GFRA3: variants seen among roughly 807,000 people sequenced by gnomAD.
The protein encoded by GFRA3 is GDNF family receptor alpha 3.
In GFRA3, 24 loss-of-function variants were observed where a neutral mutation model predicts 40.0. The ratio of observed to expected loss-of-function variants is 0.60; its 90% confidence interval spans 0.43 to 0.84. The LOEUF (loss-of-function observed/expected upper bound fraction) is 0.84, where lower values mean the gene tolerates loss of function less well. Ranked by LOEUF, GFRA3 falls within the 40% of genes least tolerant of loss-of-function variation. GFRA3 has a pLI of 0.00. For synonymous variants in GFRA3, 203 were observed against 213.5 expected (o/e 0.95, Z 0.43); for missense variants, 405 against 530.6 (o/e 0.76, Z 2.33).
In GFRA3 at chr5:138,252,878, TC is replaced by T; in HGVS notation, c.*89del. ...TGTGCCCTCATCTGCGCACTGCACC[TC>T]CTTCCTGCTGCTGTCCTTTCCTCAC... On this transcript the variant is annotated 3_prime_UTR_variant, in exon 8 of 8. Transcript: ENST00000274721. 1 of 732,904 alleles carries T rather than the reference TC, an allele frequency of 1.4e-6. No individual in the cohort carries two copies. The highest frequency in any genetic ancestry group is 2.4e-6 in the Non-Finnish European group (1 of 408,864). 45.4% of individuals were successfully genotyped at this position (732,904 alleles called of 1,614,324 possible).
chr5:138,264,790 G>C (rs1755759019), intron 1 of GFRA3, among the ~76,000 whole-genome samples: 1 of 152,128 alleles, frequency 6.6e-6, no homozygotes, highest in Non-Finnish European at 1.5e-5. Flanking sequence ...TTTGCAGAGA[G>C]GCTGCTCAGC....
intron 1 of GFRA3, 46 bp from the exon 2 acceptor site, chr5:138,264,594 T>C (rs1268274069): frequency 1.5e-6 from 2 of 1,291,044 alleles, no homozygotes; most frequent in East Asian, 4.7e-5. Flanking sequence ...TTAGAATAGC[T>C]GTCTGGGAAT....
At chr5:138,273,145 C>T (rs1221045596) in intron 1 of GFRA3, among the ~76,000 whole-genome samples, 1 of 152,286 alleles carries the variant, frequency 6.6e-6, no homozygotes, top group African/African-American at 2.4e-5. Context: ...CCCCATGAAT[C>T]GGAGGTCTCC....
chr5:138,264,030 G>A (rs753653779), intron 2 of GFRA3, among the ~76,000 whole-genome samples: 59 of 152,136 alleles, frequency 3.9e-4, no homozygotes, highest in Admixed American at 7.2e-4. Flanking sequence ...TGCTAAGTGG[G>A]AACTGACATG....
intron 1 of GFRA3, among the ~76,000 whole-genome samples, chr5:138,266,776 G>A (rs1462123402): frequency 6.6e-6 from 1 of 151,688 alleles, no homozygotes; most frequent in Admixed American, 6.6e-5. Context: ...CTGCCTCCTG[G>A]GCTCAAGCGA....
intron 4 of GFRA3, 144 bp downstream of exon 4, chr5:138,257,495 A>G (rs1017123748): frequency 6.2e-5 from 38 of 614,632 alleles, no homozygotes; most frequent in African/African-American, 2.0e-5. Flanking sequence ...ACTTTCACAA[A>G]ATATCCAAGG....
chr5:138,271,913 T>TTTTTTTTTTTTTTTGTGTG (rs59830655), intron 1 of GFRA3, among the ~76,000 whole-genome samples: 1 of 54,332 alleles, frequency 1.8e-5, no homozygotes. Flanking sequence ...TTTTTTTTTT[T>TTTTTTTTTTTTTTTGTGTG]TGTGTGTGTG....
At chr5:138,255,918 A>G (rs978985170) in intron 4 of GFRA3, among the ~76,000 whole-genome samples, 2 of 148,416 alleles carry the variant, frequency 1.3e-5, no homozygotes, top group Admixed American at 6.8e-5. Context: ...AAAAAAAAGA[A>G]GAAGAAGAAG....
intron 4 of GFRA3, among the ~76,000 whole-genome samples, chr5:138,256,134 G>A (rs557604829): frequency 5.9e-5 from 9 of 151,622 alleles, no homozygotes; most frequent in African/African-American, 2.2e-4. Context: ...GGGAGGCTGA[G>A]GGGGGAGTAT....
At chr5:138,270,786 C>G (rs1198131534) in intron 1 of GFRA3, among the ~76,000 whole-genome samples, 1 of 149,754 alleles carries the variant, frequency 6.7e-6, no homozygotes, top group East Asian at 1.9e-4. Flanking sequence ...TTTACATGTA[C>G]AAGATGAAAA....
In GFRA3 at chr5:138,254,123, T is replaced by A. The variant is rs776114581; in HGVS notation, c.823A>T (p.Met275Leu). The change falls in exon 5 of 8, where the codon ATG becomes TTG. Residue 275 changes from methionine (M) to leucine (L), a missense_variant. Met to Leu is a conservative substitution (Grantham distance 15, BLOSUM62 2). Coordinates refer to ENST00000274721, the MANE Select transcript of GFRA3 (RefSeq NM_001496.4). ...GTTGCACAAGTTCCTAGGATGTCCA[T>A]GGGATGGCAGTGGGTCTGGAAATCC... The part of the protein sequence containing the change: ...LVDFQTHCHP[M>L]DILGTCATEQ... The A allele has an allele frequency of 1.4e-5, 22 of 1,611,506 alleles. No individual in the cohort carries two copies. The highest frequency in any genetic ancestry group is 8.5e-7 in the Non-Finnish European group (1 of 1,178,016).
chr5:138,254,212 G>A (rs1755595071), intron 4 of GFRA3, 52 bp from the exon 5 acceptor site: 1 of 1,004,062 alleles, frequency 1.0e-6, no homozygotes, highest in Non-Finnish European at 1.6e-6. Context: ...TTGAGATGAT[G>A]TCTCACTCTC....
At chr5:138,253,114 C>G in intron 7 of GFRA3, 57 bp from the exon 8 acceptor site, 1 of 988,100 alleles carries the variant, frequency 1.0e-6, no homozygotes, top group Non-Finnish European at 1.6e-6. Context: ...CCTTTCACTA[C>G]CTCAGCCTCA....
At chr5:138,256,385 G>A (rs953485096) in intron 4 of GFRA3, among the ~76,000 whole-genome samples, 5 of 151,130 alleles carry the variant, frequency 3.3e-5, no homozygotes, top group South Asian at 4.2e-4. Context: ...AAATTTAGCC[G>A]GGCCTGGTGG....
intron 3 of GFRA3, 80 bp from the exon 4 acceptor site, chr5:138,258,031 C>A: frequency 8.6e-7 from 1 of 1,161,970 alleles, no homozygotes; most frequent in Non-Finnish European, 1.3e-6. Context: ...CCCCGGAAAC[C>A]CCTGATTTGA....
intron 1 of GFRA3, among the ~76,000 whole-genome samples, chr5:138,272,092 A>G (rs1581515956): frequency 7.1e-6 from 1 of 141,708 alleles, no homozygotes; most frequent in African/African-American, 2.6e-5. Context: ...TGCAAGCTCC[A>G]CCTCCCAGGT....
In GFRA3 at chr5:138,264,817, G is replaced by T. The variant is rs573557023; in HGVS notation, c.92-269C>A. On this transcript the variant is annotated intron_variant, in intron 1 of 7. Coordinates refer to ENST00000274721, the MANE Select transcript of GFRA3 (RefSeq NM_001496.4). Reference sequence around the variant, plus strand: ...CTGCTCAGCCTTCAGGGAGGTGAAGGGAATAGTTGTTTGAAGGCGAGCCTG... The same window carrying T: ...CTGCTCAGCCTTCAGGGAGGTGAAGTGAATAGTTGTTTGAAGGCGAGCCTG... 2.6e-5 allele frequency among the ~76,000 whole-genome samples: 4 copies of T among 152,232 alleles called. No homozygotes were observed. In the East Asian group the frequency reaches 5.8e-4, roughly 22 times the overall value.
intron 4 of GFRA3, 81 bp from the exon 5 acceptor site, chr5:138,254,241 G>T: frequency 2.5e-6 from 2 of 814,942 alleles, no homozygotes; most frequent in East Asian, 2.6e-5. Context: ...AGGCTGGAGT[G>T]CAGTAGCTCA....
chr5:138,259,100 G>T (rs576353010), intron 3 of GFRA3, among the ~76,000 whole-genome samples: 7 of 152,136 alleles, frequency 4.6e-5, no homozygotes, highest in African/African-American at 1.4e-4. Flanking sequence ...TCCCCACCCT[G>T]AGTCACCCCG....
Sources: allele counts gnomAD v4.1 joint callset (sites outside exome capture counted in the v4.1 genomes callset), GRCh38; gene constraint gnomAD v4.1.1; transcripts MANE v1.5; gene names NCBI Gene and HGNC (gene_info 2026-07-23, HGNC 2026-07-21).